Variants in PKNOX2 observed in about 807,000 individuals in gnomAD.
PKNOX2 encodes the protein homeobox protein PKNOX2.
Under a neutral mutation model 53.1 loss-of-function variants are expected in PKNOX2, and 14 were observed. The observed-to-expected ratio is 0.26, with a 90% CI of 0.17 to 0.41. PKNOX2 has a LOEUF of 0.41. PKNOX2 is among the 10% of genes least tolerant of loss of function. The pLI is 1.00. For synonymous variants in PKNOX2, 257 were observed against 242.8 expected (o/e 1.06, Z -0.54); for missense variants, 496 against 602.8 (o/e 0.82, Z 1.85).
At chr11:125,187,665 T>C (rs1288007898) in intron 1 of PKNOX2, among the ~76,000 whole-genome samples, 1 of 127,400 alleles carries the variant, frequency 7.8e-6, no homozygotes. Context: ...CTTTTATTTC[T>C]TTTTTTTTTT....
intron 1 of PKNOX2, among the ~76,000 whole-genome samples, chr11:125,168,069 A>G (rs1274747576): frequency 1.3e-5 from 2 of 152,142 alleles, no homozygotes; most frequent in Non-Finnish European, 2.9e-5. Flanking sequence ...TTAAACCCAA[A>G]CTGGATTTCA....
At position 125,189,435 on chromosome 11, in the gene PKNOX2, GTGTGTGTGTGTGTA is replaced by G. The variant is rs1381528708; in HGVS notation, c.-201+24661_-201+24674del. On this transcript the variant is annotated intron_variant, in intron 1 of 12. Coordinates refer to ENST00000298282, the MANE Select transcript of PKNOX2 (RefSeq NM_001382323.2). Reference sequence around the variant, plus strand: ...TATATGTGTGTGTGTGTGTGTGTGTGTGTGTGTGTGTGTATATATATATATATATATATATATAT... The same window carrying G: ...TATATGTGTGTGTGTGTGTGTGTGTGTATATATATATATATATATATATAT... 9.6e-3 allele frequency among the ~76,000 whole-genome samples: 762 copies of G among 79,462 alleles called. 3 individuals are homozygous for G. Among genetic ancestry groups the G allele is most frequent in the Admixed American group, 0.015 (101 of 6,640 alleles). The allele number at this position is 79,462 out of a possible 152,430, so 52.1% of individuals were successfully genotyped here. A position where few individuals can be genotyped will look rare whatever the true frequency, so the allele number is the denominator to read the frequency against.
At chr11:125,418,405 C>T (rs565312957) in intron 10 of PKNOX2, among the ~76,000 whole-genome samples, 6 of 152,136 alleles carry the variant, frequency 3.9e-5, no homozygotes, top group South Asian at 2.1e-4. Flanking sequence ...GCTGCCATGA[C>T]GGGTATACTC....
At chr11:125,376,832 G>A (rs1271170797) in intron 5 of PKNOX2, among the ~76,000 whole-genome samples, 1 of 152,142 alleles carries the variant, frequency 6.6e-6, no homozygotes, top group African/African-American at 2.4e-5. Context: ...ACAGTCCTGT[G>A]CACAAACGAC....
intron 2 of PKNOX2, among the ~76,000 whole-genome samples, chr11:125,278,916 C>CT (rs1203456743): frequency 1.3e-5 from 2 of 152,212 alleles, no homozygotes; most frequent in African/African-American, 4.8e-5. Context: ...TTTGTGGATG[C>CT]TGCCAGCCTA....
At chr11:125,181,660 C>T (rs1032879872) in intron 1 of PKNOX2, among the ~76,000 whole-genome samples, 2 of 152,192 alleles carry the variant, frequency 1.3e-5, no homozygotes, top group African/African-American at 2.4e-5. Flanking sequence ...TCCCCATGTG[C>T]TTGTGTCATG....
chr11:125,284,386 G>A (rs1171251602), intron 2 of PKNOX2, among the ~76,000 whole-genome samples: 1 of 152,134 alleles, frequency 6.6e-6, no homozygotes, highest in African/African-American at 2.4e-5. Context: ...GCTCCTCAAG[G>A]GTGCGCCTTT....
chr11:125,244,196 C>G (rs1192913141), intron 2 of PKNOX2, among the ~76,000 whole-genome samples: 5 of 152,256 alleles, frequency 3.3e-5, no homozygotes, highest in Non-Finnish European at 7.3e-5. Flanking sequence ...CAGCCAACCT[C>G]ATGCTCCAAA....
At chr11:125,276,931 C>A (rs1282083621) in intron 2 of PKNOX2, among the ~76,000 whole-genome samples, 1 of 152,138 alleles carries the variant, frequency 6.6e-6, no homozygotes, top group Non-Finnish European at 1.5e-5. Context: ...GCAAGGAGAG[C>A]TGCAAGAAGC....
At chr11:125,380,795 G>T (rs1051036546) in intron 5 of PKNOX2, among the ~76,000 whole-genome samples, 1 of 152,226 alleles carries the variant, frequency 6.6e-6, no homozygotes, top group Non-Finnish European at 1.5e-5. Flanking sequence ...AGCTCTCATG[G>T]GCTCTGCCCT....
At chr11:125,243,141 C>T (rs971959742) in intron 2 of PKNOX2, among the ~76,000 whole-genome samples, 2 of 152,234 alleles carry the variant, frequency 1.3e-5, no homozygotes, top group African/African-American at 4.8e-5. Context: ...TAATGGTTAT[C>T]ACACTTGAAG....
chr11:125,384,139 G>A (rs1382544538), intron 5 of PKNOX2, among the ~76,000 whole-genome samples: 1 of 152,152 alleles, frequency 6.6e-6, no homozygotes, highest in Non-Finnish European at 1.5e-5. Context: ...ACTTATACAT[G>A]CAAATACACC....
intron 4 of PKNOX2, among the ~76,000 whole-genome samples, chr11:125,355,252 GT>G (rs554224855): frequency 0.02 from 2,943 of 145,626 alleles, 89 homozygotes; most frequent in Admixed American, 0.081. Context: ...GAGTGACAGA[GT>G]GAGACTCTAT....
Position 125,422,115 on chromosome 11 carries a change from C to A in PKNOX2, c.937-6897C>A, listed in dbSNP as rs1956202939. 6.6e-6 allele frequency among the ~76,000 whole-genome samples: 1 copy of A among 152,102 alleles called. No homozygotes were observed. On this transcript the variant is annotated intron_variant, in intron 10 of 12. Coordinates refer to ENST00000298282, the MANE Select transcript of PKNOX2 (RefSeq NM_001382323.2). This position sits in a 1 kb window ranked among gnomAD's most constrained non-coding sequence, Gnocchi z 4.1. ...ATTATCTCTTAGATAATCATCAATG[C>A]CCCTATGATTCGTATTGGCCACAGG...
intron 6 of PKNOX2, among the ~76,000 whole-genome samples, chr11:125,395,601 C>A (rs1174326966): frequency 6.6e-6 from 1 of 152,066 alleles, no homozygotes; most frequent in East Asian, 1.9e-4. Flanking sequence ...ATATTTATTT[C>A]TTTTATTTTA....
intron 1 of PKNOX2, among the ~76,000 whole-genome samples, chr11:125,194,203 T>C (rs1420692531): frequency 6.6e-6 from 1 of 152,216 alleles, no homozygotes; most frequent in Non-Finnish European, 1.5e-5. Flanking sequence ...CTGCACATGC[T>C]TCTCCTTTTC....
At chr11:125,379,692 A>C (rs1214828045) in intron 5 of PKNOX2, among the ~76,000 whole-genome samples, 2 of 152,088 alleles carry the variant, frequency 1.3e-5, no homozygotes, top group Non-Finnish European at 2.9e-5. Context: ...CAGCCAACAT[A>C]CTGCCCTGTC....
intron 2 of PKNOX2, among the ~76,000 whole-genome samples, chr11:125,318,273 ATTTTTTTT>A (rs906412845): frequency 4.5e-5 from 6 of 133,424 alleles, no homozygotes; most frequent in African/African-American, 1.7e-4. Flanking sequence ...TGCCTGGCTA[ATTTTTTTT>A]TTTTTTTTTT....
At chr11:125,208,071 G>A (rs912364546) in intron 1 of PKNOX2, among the ~76,000 whole-genome samples, 2 of 152,134 alleles carry the variant, frequency 1.3e-5, no homozygotes, top group Non-Finnish European at 2.9e-5. Context: ...CATGCTATGA[G>A]TTTGGATGAG....
Sources: gnomAD v4.1 joint callset for allele counts (sites outside exome capture counted in the v4.1 genomes callset) on GRCh38, gnomAD v4.1.1 for gene constraint, Gnocchi (gnomAD v3.1) non-coding constraint, MANE v1.5 for transcripts, NCBI Gene and HGNC (gene_info 2026-07-23, HGNC 2026-07-21) for gene names.